Variants in CD226 observed in about 807,000 individuals in gnomAD.
CD226 encodes the protein CD226 antigen.
A neutral mutation model predicts 34.9 loss-of-function variants in CD226; 24 were observed. The ratio of observed to expected loss-of-function variants is 0.69; its 90% confidence interval spans 0.50 to 0.97. The LOEUF is 0.97. Among genes scored for constraint, CD226 ranks in the 50% least tolerant of loss-of-function variants. The probability of loss-of-function intolerance (pLI) is 0.00; values close to 1 mark genes in which losing one functional copy is unlikely to be tolerated. For synonymous variants in CD226, 148 were observed against 147.4 expected (o/e 1.00, Z -0.03); for missense variants, 397 against 412.7 (o/e 0.96, Z 0.33).
chr18:69,910,994 A>G (rs1389676537), intron 2 of CD226, among the ~76,000 whole-genome samples: 1 of 152,216 alleles, frequency 6.6e-6, no homozygotes, highest in East Asian at 1.9e-4. Context: ...GGAAAGAGGA[A>G]TAATAATGAG....
chr18:69,959,365 C>T (rs2055919029), upstream of CD226, among the ~76,000 whole-genome samples: 1 of 152,118 alleles, frequency 6.6e-6, no homozygotes, highest in African/African-American at 2.4e-5. Context: ...TTGCAAAAGG[C>T]TTTTTGAACA....
chr18:69,926,782 C>T (rs961297108), intron 2 of CD226, among the ~76,000 whole-genome samples: 17 of 152,182 alleles, frequency 1.1e-4, no homozygotes, highest in African/African-American at 4.1e-4. Flanking sequence ...TACATGAGTA[C>T]TTTCTATACA....
chr18:69,907,432 C>T (rs766949252), intron 2 of CD226, among the ~76,000 whole-genome samples: 13 of 152,110 alleles, frequency 8.5e-5, no homozygotes, highest in East Asian at 1.9e-4. Flanking sequence ...CTCAGCCTCC[C>T]GAGTAACTGG....
At chr18:69,886,425 A>G (rs1984559451) in intron 3 of CD226, among the ~76,000 whole-genome samples, 1 of 152,124 alleles carries the variant, frequency 6.6e-6, no homozygotes, top group African/African-American at 2.4e-5. Context: ...TCAAAATGTG[A>G]CCAGGTGCAG....
chr18:69,954,396 A>G (rs2055879454), intron 1 of CD226, among the ~76,000 whole-genome samples: 1 of 152,254 alleles, frequency 6.6e-6, no homozygotes, highest in Admixed American at 6.5e-5. Flanking sequence ...TGCTTATTAA[A>G]CAAATGCCAA....
chr18:69,942,069 G>A (rs116987810), intron 2 of CD226, among the ~76,000 whole-genome samples: 3 of 152,168 alleles, frequency 2.0e-5, no homozygotes, highest in African/African-American at 7.2e-5. Context: ...AGAAGGACAT[G>A]TTTGCTCCCC....
At chr18:69,884,506 T>C (rs1227660743) in intron 3 of CD226, among the ~76,000 whole-genome samples, 4 of 152,246 alleles carry the variant, frequency 2.6e-5, no homozygotes, top group African/African-American at 4.8e-5. Context: ...CACATCTTTT[T>C]AACGGCCAGA....
upstream of CD226, among the ~76,000 whole-genome samples, chr18:69,950,010 T>C (rs1260593841): frequency 6.6e-6 from 1 of 150,736 alleles, no homozygotes; most frequent in Non-Finnish European, 1.5e-5. Context: ...TCACACTCTC[T>C]CACACACACA....
chr18:69,866,559 T>C (rs1408487775), intron 5 of CD226, among the ~76,000 whole-genome samples: 1 of 152,142 alleles, frequency 6.6e-6, no homozygotes, highest in Non-Finnish European at 1.5e-5. Context: ...ATAATAATAA[T>C]GAATATCATT....
At chr18:69,884,823 T>C (rs1038791600) in intron 3 of CD226, among the ~76,000 whole-genome samples, 1 of 152,234 alleles carries the variant, frequency 6.6e-6, no homozygotes, top group Non-Finnish European at 1.5e-5. Flanking sequence ...TGAAGACTAG[T>C]TATCATTCAT....
chr18:69,905,382 C>T (rs928259533), intron 2 of CD226, among the ~76,000 whole-genome samples: 2 of 152,134 alleles, frequency 1.3e-5, no homozygotes, highest in Non-Finnish European at 2.9e-5. Flanking sequence ...GTGAAATTGT[C>T]CATTAGATTG....
chr18:69,897,405 T>G (rs1446330711), intron 2 of CD226, among the ~76,000 whole-genome samples: 1 of 152,228 alleles, frequency 6.6e-6, no homozygotes, highest in Non-Finnish European at 1.5e-5. Context: ...TTATTAGTGA[T>G]GAACACCTTC....
At chr18:69,957,997 C>G (rs1234047359), upstream of CD226, among the ~76,000 whole-genome samples, 3 of 152,202 alleles carry the variant, frequency 2.0e-5, no homozygotes, top group Non-Finnish European at 4.4e-5. Context: ...AATTTGAGGA[C>G]AATGCTCTAA....
Position 69,878,056 on chromosome 18 carries a change from G to A in CD226, c.728-4810C>T, listed in dbSNP as rs77518555. ...ATAAAAAGGAAAAGCAAATGGGTAC[G>A]GATGCTTTGGGAGTTAATCAACAGT... On this transcript the variant is annotated intron_variant, in intron 3 of 5. Coordinates refer to ENST00000582621, the MANE Select transcript of CD226 (RefSeq NM_001303618.2). Among the ~76,000 whole-genome samples, 915 of 152,228 alleles carry A rather than the reference G, an allele frequency of 6.0e-3. 31 individuals carry two copies. The East Asian group carries it at 0.09, about 15-fold the overall frequency.
intron 2 of CD226, among the ~76,000 whole-genome samples, chr18:69,897,502 C>T (rs1431718651): frequency 4.6e-5 from 7 of 152,170 alleles, no homozygotes; most frequent in Admixed American, 4.6e-4. Context: ...TGTCACAAAA[C>T]TCTCTGGCAC....
In CD226 at chr18:69,880,378, AAGGG is replaced by A. The variant is rs1169340867; in HGVS notation, c.728-7136_728-7133del. On this transcript the variant is annotated intron_variant, in intron 3 of 5. Coordinates refer to ENST00000582621, the MANE Select transcript of CD226 (RefSeq NM_001303618.2). ...AAAGAAAGGAAGGAAGGAAGGAAGGAAGGGGAAAGAAAGAAAGAAGGAGGGAAGG... is the reference window on the plus strand; with the variant it reads ...AAAGAAAGGAAGGAAGGAAGGAAGGAGAAAGAAAGAAAGAAGGAGGGAAGG... Among the ~76,000 whole-genome samples, 6 of 148,418 alleles carry A rather than the reference AAGGG, an allele frequency of 4.0e-5. No homozygotes were observed. In the East Asian group the frequency reaches 6.0e-4, roughly 15 times the overall value.
At chr18:69,954,496 G>A (rs539989312) in intron 1 of CD226, among the ~76,000 whole-genome samples, 1 of 152,146 alleles carries the variant, frequency 6.6e-6, no homozygotes, top group East Asian at 1.9e-4. Context: ...GGGCCAAGCA[G>A]GCATCTGCAA....
At chr18:69,945,325 T>G (rs1027011101) in intron 2 of CD226, among the ~76,000 whole-genome samples, 1 of 152,194 alleles carries the variant, frequency 6.6e-6, no homozygotes, top group African/African-American at 2.4e-5. Context: ...TTCAGGAACC[T>G]GAGATTCAGA....
intron 2 of CD226, among the ~76,000 whole-genome samples, chr18:69,918,490 G>A (rs1437858664): frequency 6.6e-6 from 1 of 152,178 alleles, no homozygotes; most frequent in Non-Finnish European, 1.5e-5. Flanking sequence ...CTTGGCAGGT[G>A]GAGGTTGCGG....
Sources: allele counts gnomAD v4.1 joint callset (sites outside exome capture counted in the v4.1 genomes callset), GRCh38; gene constraint gnomAD v4.1.1; transcripts MANE v1.5; gene names NCBI Gene and HGNC (gene_info 2026-07-23, HGNC 2026-07-21).